TMOD2: variants seen among roughly 807,000 people sequenced by gnomAD.
The protein encoded by TMOD2 is tropomodulin-2.
In TMOD2, 22 loss-of-function variants were observed where a neutral mutation model predicts 39.9. The observed-to-expected ratio is 0.55, with a 90% CI of 0.39 to 0.79. TMOD2 has a LOEUF of 0.79. Among genes scored for constraint, TMOD2 ranks in the 30% least tolerant of loss-of-function variants. The pLI, the probability that TMOD2 is intolerant of heterozygous loss-of-function variation, is 0.00. For missense variants in TMOD2, 386 were observed against 413.3 expected (o/e 0.93, Z 0.57); for synonymous variants, 123 against 146.1 (o/e 0.84, Z 1.14).
chr15:51,786,657 T>C (rs1292859341), intron 7 of TMOD2, among the ~76,000 whole-genome samples: 2 of 152,220 alleles, frequency 1.3e-5, no homozygotes, highest in African/African-American at 4.8e-5. Flanking sequence ...CACCTGTGAT[T>C]GAGTTTAGTT....
intron 8 of TMOD2, among the ~76,000 whole-genome samples, chr15:51,804,106 T>G (rs565912718): frequency 7.2e-5 from 11 of 152,366 alleles, no homozygotes; most frequent in African/African-American, 2.6e-4. Context: ...TAATTTGTCC[T>G]ACAGGCATAC....
At chr15:51,761,626 C>A (rs567652361) in intron 1 of TMOD2, among the ~76,000 whole-genome samples, 1 of 151,412 alleles carries the variant, frequency 6.6e-6, no homozygotes, top group African/African-American at 2.4e-5. Flanking sequence ...CCCAGCTACT[C>A]GAGGGACTGA....
chr15:51,809,255 AAGAG>A lies in TMOD2; in HGVS notation c.*805_*808del, dbSNP rs1455477476. 6.5e-6 allele frequency: 1 copy of A among 152,672 alleles called. No individual in the cohort carries two copies. The highest frequency in any genetic ancestry group is 1.9e-4 in the East Asian group (1 of 5,204). The allele number at this position is 152,672 out of a possible 1,614,324, so 9.5% of individuals were successfully genotyped here. A position where few individuals can be genotyped will look rare whatever the true frequency, so the allele number is the denominator to read the frequency against. On this transcript the variant is annotated 3_prime_UTR_variant, in exon 10 of 10. Transcript: ENST00000249700. The stretch of plus-strand genomic sequence containing the variant: ...TGATAGAAATTTTCTAAATTTTAGT[AAGAG>A]AGAAGCTTTTAAAACAGTACATTCC...
rs145372069 is a variant in TMOD2 at position 51,798,248 on chromosome 15, G to A, written c.784G>A (p.Glu262Lys). The change falls in exon 8 of 10, where the codon GAA (glutamate) becomes AAA (lysine). Residue 262 changes from glutamate to lysine, a missense_variant. Physicochemically the swap from Glu to Lys is moderately conservative, Grantham distance 56 (BLOSUM62 1). Transcript: ENST00000249700. ...CAAGACCTTGACAAGTCTAAACATA[G>A]AATCCAATTTTATCACTGGAACTGG... The part of the protein sequence containing the change: ...VNKTLTSLNI[E>K]SNFITGTGIL... 7 of 1,613,690 alleles carry A rather than the reference G, an allele frequency of 4.3e-6. No individual in the cohort carries two copies. Among genetic ancestry groups the A allele is most frequent in the Non-Finnish European group, 5.9e-6 (7 of 1,179,918 alleles).
intron 5 of TMOD2, among the ~76,000 whole-genome samples, chr15:51,779,054 T>G (rs1453272458): frequency 6.6e-6 from 1 of 151,942 alleles, no homozygotes; most frequent in East Asian, 1.9e-4. Context: ...GCTCCTGGAC[T>G]CAAGCAATCC....
At chr15:51,808,010 C>A (rs1304460820) in intron 9 of TMOD2, among the ~76,000 whole-genome samples, 1 of 152,154 alleles carries the variant, frequency 6.6e-6, no homozygotes, top group Non-Finnish European at 1.5e-5. Flanking sequence ...TTTGCAGCTC[C>A]TTCCAGACTT....
At chr15:51,754,971 T>A (rs538315691) in intron 1 of TMOD2, among the ~76,000 whole-genome samples, 3 of 152,378 alleles carry the variant, frequency 2.0e-5, no homozygotes, top group South Asian at 2.1e-4. Flanking sequence ...AATGTGTAAG[T>A]TGTAAGTATT....
chr15:51,756,989 G>A (rs1032459018), intron 1 of TMOD2, among the ~76,000 whole-genome samples: 1 of 152,174 alleles, frequency 6.6e-6, no homozygotes, highest in African/African-American at 2.4e-5. Flanking sequence ...TTTTGTTGGA[G>A]GATACATTGA....
At chr15:51,765,348 T>C (rs1355995703) in intron 1 of TMOD2, among the ~76,000 whole-genome samples, 1 of 152,168 alleles carries the variant, frequency 6.6e-6, no homozygotes, top group Non-Finnish European at 1.5e-5. Context: ...CTAATACTTA[T>C]GACATTATTG....
rs536039605 is a variant in TMOD2, at chr15:51,793,396, A to G, written c.733-4801A>G. On this transcript the variant is annotated intron_variant, in intron 7 of 9. Transcript: ENST00000249700. ...TTTTCATACTACATCTTTGAAATCC[A>G]GTGTGTTTTATGTTTGCAGCACATT... Among the ~76,000 whole-genome samples, 3 of 152,282 alleles carry G rather than the reference A, an allele frequency of 2.0e-5. No individual in the cohort carries two copies. In the East Asian group the frequency reaches 5.8e-4, roughly 29 times the overall value.
chr15:51,786,746 C>T (rs1196262029), intron 7 of TMOD2, among the ~76,000 whole-genome samples: 1 of 152,118 alleles, frequency 6.6e-6, no homozygotes, highest in Non-Finnish European at 1.5e-5. Context: ...CACTGAATGC[C>T]AATGAGAGGG....
At chr15:51,758,486 A>T (rs1018657315) in intron 1 of TMOD2, among the ~76,000 whole-genome samples, 1 of 152,332 alleles carries the variant, frequency 6.6e-6, no homozygotes, top group Middle Eastern at 3.4e-3. Context: ...ATAGAGTGGA[A>T]TGAGCTCTGG....
chr15:51,777,507 G>A (rs1172407081), intron 5 of TMOD2, among the ~76,000 whole-genome samples: 3 of 152,118 alleles, frequency 2.0e-5, no homozygotes, highest in Admixed American at 2.0e-4. Context: ...AGACACGCTG[G>A]CATGGACTTA....
At chr15:51,778,643 CTTTTTTTTTTTTTT>C (rs34790068) in intron 5 of TMOD2, among the ~76,000 whole-genome samples, 1 of 68,370 alleles carries the variant, frequency 1.5e-5, no homozygotes, top group Non-Finnish European at 2.7e-5. Context: ...AAAATTACAG[CTTTTTTTTTTTTTT>C]TTTTTTTTTT....
chr15:51,759,080 G>A (rs867327305), intron 1 of TMOD2, among the ~76,000 whole-genome samples: 2 of 152,370 alleles, frequency 1.3e-5, no homozygotes, highest in African/African-American at 4.8e-5. Context: ...AATGGATCAG[G>A]AAGGGATAGG....
chr15:51,768,916 C>T (rs1019770019), intron 3 of TMOD2, among the ~76,000 whole-genome samples: 3 of 152,346 alleles, frequency 2.0e-5, no homozygotes, highest in East Asian at 3.9e-4. Flanking sequence ...ATCATGGCTG[C>T]TAGCTAGACA....
At chr15:51,756,550 A>G (rs1036600444) in intron 1 of TMOD2, 1 of 152,244 alleles carries the variant, frequency 6.6e-6, no homozygotes, top group African/African-American at 2.4e-5. Context: ...TATCTGCACC[A>G]TCAGACCTTG....
intron 7 of TMOD2, among the ~76,000 whole-genome samples, chr15:51,794,479 C>T (rs1457869682): frequency 1.3e-5 from 2 of 152,082 alleles, no homozygotes; most frequent in African/African-American, 4.8e-5. Context: ...CTTTGGGAGG[C>T]CGAGGCAGGA....
Position 51,782,723 on chromosome 15 carries a change from C to T in TMOD2, c.627C>T (p.Asn209=), listed in dbSNP as rs1595870684. 2 of 1,613,394 alleles carry T rather than the reference C, an allele frequency of 1.2e-6. No homozygotes were observed. The highest frequency in any genetic ancestry group is 1.7e-6 in the Non-Finnish European group (2 of 1,179,346). ...LQEVNLNNIK[N]IPIPTLREFA... ...TAGCCATGTCCTCTCTGTCTTAGAA[C>T]ATTCCAATTCCAACCCTGAGGGAAT... is the stretch of plus-strand genomic sequence containing the variant. The change falls in exon 7 of 10, where the codon AAC becomes AAT. Residue 209 remains asparagine, a splice_region_variant and synonymous_variant. Transcript: ENST00000249700.
Sources: allele counts gnomAD v4.1 joint callset (sites outside exome capture counted in the v4.1 genomes callset), GRCh38; gene constraint gnomAD v4.1.1; transcripts MANE v1.5; gene names NCBI Gene and HGNC (gene_info 2026-07-23, HGNC 2026-07-21).